The following KIF25 variants were observed in gnomAD, a reference collection of about 807,000 sequenced individuals.
KIF25 encodes the protein kinesin-like protein KIF25.
Under a neutral mutation model 32.9 loss-of-function variants are expected in KIF25, and 19 were observed. The observed-to-expected ratio is 0.58, with a 90% CI of 0.40 to 0.85. The LOEUF is 0.85. Ranked by LOEUF, KIF25 falls within the 40% of genes least tolerant of loss-of-function variation. The pLI, the probability that KIF25 is intolerant of heterozygous loss-of-function variation, is 0.00. For missense variants in KIF25, 485 were observed against 507.0 expected (o/e 0.96, Z 0.42); for synonymous variants, 225 against 213.7 (o/e 1.05, Z -0.46).
Position 168,032,683 on chromosome 6 carries a change from A to G in KIF25, c.168-1199A>G, listed in dbSNP as rs1029787498. On this transcript the variant is annotated intron_variant, in intron 7 of 12. Transcript: ENST00000643607. Reference sequence around the variant, plus strand: ...TCAATCAGAACACTGTCTTGCAATCATTTTGTCAAAACAACAAGCTTTATT... The same window carrying G: ...TCAATCAGAACACTGTCTTGCAATCGTTTTGTCAAAACAACAAGCTTTATT... 5.3e-5 allele frequency among the ~76,000 whole-genome samples: 8 copies of G among 152,340 alleles called. No homozygotes were observed. In the East Asian group the frequency reaches 1.5e-3, roughly 29 times the overall value.
chr6:168,019,594 G>A (rs1013788207), intron 5 of KIF25, among the ~76,000 whole-genome samples: 1 of 152,196 alleles, frequency 6.6e-6, no homozygotes, highest in Non-Finnish European at 1.5e-5. Flanking sequence ...GACAGAGTGG[G>A]CTCCGGGGAC....
At chr6:168,040,422 T>C (rs1344080865) in intron 10 of KIF25, among the ~76,000 whole-genome samples, 2 of 151,886 alleles carry the variant, frequency 1.3e-5, no homozygotes, top group Non-Finnish European at 2.9e-5. Flanking sequence ...AAAAATTAGC[T>C]GAGTATGGTG....
intron 8 of KIF25, chr6:168,035,645 C>T (rs1799013606): frequency 2.2e-6 from 1 of 454,050 alleles, no homozygotes; most frequent in Admixed American, 2.4e-5. Context: ...ACCAATGGGC[C>T]CATCGCATTA....
chr6:168,042,465 A>G (rs1218022306), intron 11 of KIF25, 96 bp from the exon 12 acceptor site: 1 of 1,473,568 alleles, frequency 6.8e-7, no homozygotes, highest in Non-Finnish European at 9.2e-7. Flanking sequence ...CCTCCCCTCT[A>G]CCTGCCTGAG....
intron 12 of KIF25, among the ~76,000 whole-genome samples, chr6:168,043,803 C>T (rs1354288563): frequency 6.6e-6 from 1 of 152,226 alleles, no homozygotes; most frequent in Non-Finnish European, 1.5e-5. Flanking sequence ...TTTCCTCCCC[C>T]TTAGCTCTCC....
At chr6:168,039,393 T>C (rs1303914777) in intron 9 of KIF25, among the ~76,000 whole-genome samples, 1 of 152,214 alleles carries the variant, frequency 6.6e-6, no homozygotes, top group Non-Finnish European at 1.5e-5. Context: ...AAGTTCCCTA[T>C]TGTCAAATCC....
intron 6 of KIF25, among the ~76,000 whole-genome samples, chr6:168,030,046 A>G (rs1050606977): frequency 2.0e-5 from 3 of 152,222 alleles, no homozygotes; most frequent in Non-Finnish European, 4.4e-5. Context: ...GACCAAGTGC[A>G]ACCAACCACC....
chr6:168,003,457 G>A (rs556557061), intron 3 of KIF25, among the ~76,000 whole-genome samples, 157 bp from the exon 4 acceptor site: 1 of 149,306 alleles, frequency 6.7e-6, no homozygotes, highest in East Asian at 1.9e-4. Context: ...CAGAGACAGA[G>A]ATGATGGCAG....
At chr6:168,008,222 C>T (rs1433994485) in intron 4 of KIF25, among the ~76,000 whole-genome samples, 1 of 152,138 alleles carries the variant, frequency 6.6e-6, no homozygotes, top group Admixed American at 6.5e-5. Context: ...ACATTTAGGC[C>T]TTTGATCCAT....
intron 5 of KIF25, among the ~76,000 whole-genome samples, chr6:168,018,920 G>A (rs879351774): frequency 6.6e-6 from 1 of 152,246 alleles, no homozygotes; most frequent in African/African-American, 2.4e-5. Flanking sequence ...GGAGCGGTAA[G>A]AAGGAGGAGG....
At chr6:168,018,100 C>T (rs143727051) in intron 5 of KIF25, 60 bp downstream of exon 5, 2 of 152,620 alleles carry the variant, frequency 1.3e-5, no homozygotes, top group Non-Finnish European at 2.9e-5. Flanking sequence ...ACAAATTTTG[C>T]ATTGGGGTTT....
At chr6:168,035,418 C>T (rs1443558278) in intron 8 of KIF25, among the ~76,000 whole-genome samples, 1 of 1,932 alleles carries the variant, frequency 5.2e-4, no homozygotes, top group Non-Finnish European at 9.5e-4. Flanking sequence ...CAAAGGGATG[C>T]CGGGGCTGGA....
At chr6:168,015,470 G>A (rs1798700738) in intron 4 of KIF25, among the ~76,000 whole-genome samples, 1 of 152,186 alleles carries the variant, frequency 6.6e-6, no homozygotes, top group Non-Finnish European at 1.5e-5. Context: ...CATTGCCTCT[G>A]AGCCAGGTGC....
chr6:168,019,860 C>T (rs1019567013), intron 5 of KIF25, among the ~76,000 whole-genome samples: 1 of 152,060 alleles, frequency 6.6e-6, no homozygotes, highest in Non-Finnish European at 1.5e-5. Flanking sequence ...GGAGGTGGGG[C>T]GCGGTGGCTC....
intron 7 of KIF25, 66 bp from the exon 8 acceptor site, chr6:168,033,816 A>T (rs1192304977): frequency 5.2e-6 from 8 of 1,549,034 alleles, no homozygotes; most frequent in Non-Finnish European, 7.0e-6. Context: ...ACAAGTGAAA[A>T]TTTTTCCTGG....
chr6:168,038,734 G>T lies in KIF25; in HGVS notation c.494+5G>T. Reference sequence around the variant, plus strand: ...GGTTGCGCTGCTGGCCTCTGAGTGAGTACTGCACCTGCCCCGTGCTGCTGG... The same window carrying T: ...GGTTGCGCTGCTGGCCTCTGAGTGATTACTGCACCTGCCCCGTGCTGCTGG... On this transcript the variant is annotated splice_donor_5th_base_variant and intron_variant, in intron 9 of 12. Coordinates refer to ENST00000643607, the MANE Select transcript of KIF25 (RefSeq NM_030615.4). The T allele has an allele frequency of 6.2e-7, 1 of 1,612,472 alleles. No homozygotes were observed. Among genetic ancestry groups the T allele is most frequent in the Non-Finnish European group, 8.5e-7 (1 of 1,179,522 alleles).
intron 3 of KIF25, among the ~76,000 whole-genome samples, chr6:168,003,227 C>A (rs1442577531): frequency 6.6e-6 from 1 of 151,194 alleles, no homozygotes. Context: ...AAGATGAAAA[C>A]AAGAAATAAA....
chr6:168,031,218 C>G (rs1450208166), intron 7 of KIF25, among the ~76,000 whole-genome samples: 3 of 152,212 alleles, frequency 2.0e-5, no homozygotes, highest in African/African-American at 4.8e-5. Flanking sequence ...GATTTAGGGA[C>G]TTTTCCCTTT....
rs913421724 is a variant in KIF25 at position 168,028,722 on chromosome 6, G to T, written c.-94-770G>T. Among the ~76,000 whole-genome samples the T allele has an allele frequency of 7.9e-5, 12 of 152,168 alleles. 1 individual carries two copies. The highest frequency in any genetic ancestry group is 6.5e-4 in the Admixed American group (10 of 15,278). On this transcript the variant is annotated intron_variant, in intron 5 of 12. Coordinates refer to ENST00000643607, the MANE Select transcript of KIF25 (RefSeq NM_030615.4). ...TTCATGAGTTGACTCTTCTATTCAG[G>T]AACATGCCGTGACTTTTCACTTGTT...
Sources: allele counts gnomAD v4.1 joint callset (sites outside exome capture counted in the v4.1 genomes callset), GRCh38; gene constraint gnomAD v4.1.1; transcripts MANE v1.5; gene names NCBI Gene and HGNC (gene_info 2026-07-23, HGNC 2026-07-21).